Variants in ERP44 observed in about 807,000 individuals in gnomAD.
The protein encoded by ERP44 is endoplasmic reticulum protein 44, also known as endoplasmic reticulum resident protein 44.
In ERP44, 25 loss-of-function variants were observed where a neutral mutation model predicts 53.4. That is an observed-to-expected ratio of 0.47 (90% confidence interval 0.34 to 0.65). The LOEUF (loss-of-function observed/expected upper bound fraction) is 0.65. ERP44 is among the 30% of genes least tolerant of loss of function. ERP44 has a pLI of 0.01. For missense variants in ERP44, 338 were observed against 493.2 expected (o/e 0.69, Z 2.98); for synonymous variants, 145 against 161.2 (o/e 0.90, Z 0.76).
chr9:100,044,809 T>C (rs1321966061), intron 4 of ERP44, among the ~76,000 whole-genome samples: 1 of 152,182 alleles, frequency 6.6e-6, no homozygotes, highest in African/African-American at 2.4e-5. Flanking sequence ...TCTAAAAATT[T>C]GTAAAATTTC....
intron 10 of ERP44, among the ~76,000 whole-genome samples, chr9:99,992,336 T>C (rs1294137049): frequency 1.3e-5 from 2 of 152,106 alleles, no homozygotes; most frequent in Non-Finnish European, 2.9e-5. Context: ...GTGGGCTTCA[T>C]CCCTGGGATG....
chr9:100,062,153 C>G (rs1010966012), intron 1 of ERP44, among the ~76,000 whole-genome samples: 1 of 152,172 alleles, frequency 6.6e-6, no homozygotes, highest in African/African-American at 2.4e-5. Context: ...ATCATACCCC[C>G]TTTGTCCAGT....
Position 99,984,955 on chromosome 9 carries a change from C to T in ERP44, c.1119+12G>A, listed in dbSNP as rs1485426886. The stretch of plus-strand genomic sequence containing the variant: ...AAAAGAGTTCTCATTGAAAAATAAA[C>T]AGGAGTCCTACCTCTCCTGGGGCTG... On this transcript the variant is annotated intron_variant, in intron 11 of 11. Coordinates refer to ENST00000262455, the MANE Select transcript of ERP44 (RefSeq NM_015051.3). 1 of 1,541,408 alleles carries T rather than the reference C, an allele frequency of 6.5e-7. No individual in the cohort carries two copies. Among genetic ancestry groups the T allele is most frequent in the Non-Finnish European group, 8.9e-7 (1 of 1,118,496 alleles).
chr9:100,055,449 C>T (rs1185295807), intron 3 of ERP44, among the ~76,000 whole-genome samples: 2 of 152,128 alleles, frequency 1.3e-5, no homozygotes, highest in African/African-American at 2.4e-5. Context: ...CTCAGCTCAC[C>T]GCAACCTCCG....
intron 4 of ERP44, among the ~76,000 whole-genome samples, chr9:100,049,707 T>C (rs1826016287): frequency 6.6e-6 from 1 of 152,188 alleles, no homozygotes; most frequent in Admixed American, 6.5e-5. Context: ...AGTTTGGCAG[T>C]TTCTTAAAAA....
chr9:100,009,825 G>T (rs1171068653), intron 8 of ERP44, among the ~76,000 whole-genome samples: 1 of 152,018 alleles, frequency 6.6e-6, no homozygotes, highest in Non-Finnish European at 1.5e-5. Context: ...TCCTTCTCCT[G>T]TTTTCCCATT....
At chr9:100,035,092 T>G (rs1007144804) in intron 4 of ERP44, among the ~76,000 whole-genome samples, 2 of 152,178 alleles carry the variant, frequency 1.3e-5, no homozygotes, top group South Asian at 4.1e-4. Context: ...ATTAAAGACT[T>G]AAACATATGA....
intron 8 of ERP44, among the ~76,000 whole-genome samples, chr9:100,015,583 A>G (rs1234693228): frequency 6.6e-6 from 1 of 152,268 alleles, no homozygotes; most frequent in Non-Finnish European, 1.5e-5. Context: ...AAAAGACAAC[A>G]TTAACTGCTT....
At chr9:100,042,110 A>T (rs1169168833) in intron 4 of ERP44, among the ~76,000 whole-genome samples, 1 of 152,212 alleles carries the variant, frequency 6.6e-6, no homozygotes, top group Non-Finnish European at 1.5e-5. Context: ...CAATCAACAA[A>T]GTGAAAAGAC....
At chr9:100,016,492 A>G (rs1830527122) in intron 7 of ERP44, 54 bp from the exon 8 acceptor site, 2 of 1,512,656 alleles carry the variant, frequency 1.3e-6, no homozygotes, top group African/African-American at 2.9e-5. Flanking sequence ...GCAAAAGTAT[A>G]TTCTTATTTT....
rs375903014 is a variant in ERP44 at position 100,020,724 on chromosome 9, T to C, written c.479A>G (p.Lys160Arg). The C allele has an allele frequency of 8.4e-6, 13 of 1,554,196 alleles. No individual in the cohort carries two copies. The African/African-American group carries it at 1.4e-4, about 16-fold the overall frequency. ...LAEITTLDRS[K>R]RNIIGYFEQK... ...CTCAAAATATCCAATGATATTTCTT[T>C]TGCTGCGCTGTAAAATAAAGTATGC... is the stretch of plus-strand genomic sequence containing the variant. Residue 160 changes from lysine to arginine, a missense_variant, in exon 6 of 12, where the codon AAA becomes AGA. Lys to Arg is a conservative substitution (Grantham distance 26, BLOSUM62 2). This residue lies in a region of ERP44 where 224 missense variants were observed against 301.4 expected (regional missense o/e 0.74). Coordinates refer to ENST00000262455, the MANE Select transcript of ERP44 (RefSeq NM_015051.3).
chr9:99,992,588 T>G (rs1218634064), intron 10 of ERP44, among the ~76,000 whole-genome samples: 2 of 152,124 alleles, frequency 1.3e-5, no homozygotes, highest in East Asian at 3.8e-4. Flanking sequence ...CTGGAAGCAT[T>G]CCCTTTGAAA....
intron 4 of ERP44, among the ~76,000 whole-genome samples, chr9:100,024,951 A>G (rs1830637307): frequency 6.6e-6 from 1 of 152,218 alleles, no homozygotes; most frequent in Admixed American, 6.5e-5. Flanking sequence ...CACTAGAAGA[A>G]ACAGAAGATA....
rs1826700981 is a variant in ERP44, at chr9:100,098,826, G to C, written c.15C>G (p.Val5=). 6.2e-7 allele frequency: 1 copy of C among 1,613,662 alleles called. No individual in the cohort carries two copies. ...ATCTGAGGTCGGGTAAGGATAGGAAGACGGCAGGATGCATGGTAACGCTGG... is the reference window on the plus strand; with the variant it reads ...ATCTGAGGTCGGGTAAGGATAGGAACACGGCAGGATGCATGGTAACGCTGG... The part of the protein sequence containing the change: MHPA[V]FLSLPDLRCS... Residue 5 remains valine, a synonymous_variant, in exon 1 of 12, where the codon GTC becomes GTG. Transcript: ENST00000262455.
intron 4 of ERP44, among the ~76,000 whole-genome samples, chr9:100,024,380 A>T (rs958925757): frequency 3.3e-5 from 5 of 150,908 alleles, no homozygotes; most frequent in Non-Finnish European, 7.4e-5. Flanking sequence ...TACAGGTCAA[A>T]TATTTTGTGT....
At chr9:100,095,320 C>T (rs1168938102) in intron 1 of ERP44, among the ~76,000 whole-genome samples, 1 of 151,840 alleles carries the variant, frequency 6.6e-6, no homozygotes, top group African/African-American at 2.4e-5. Context: ...GTTTCCTAAA[C>T]AAATTATAAG....
chr9:100,002,269 C>CA (rs1830385789), intron 10 of ERP44, among the ~76,000 whole-genome samples: 1 of 152,092 alleles, frequency 6.6e-6, no homozygotes, highest in African/African-American at 2.4e-5. Flanking sequence ...TTTTATCCTT[C>CA]ATACCAAAGC....
intron 11 of ERP44, among the ~76,000 whole-genome samples, chr9:99,984,143 A>T (rs1412412488): frequency 6.6e-6 from 1 of 152,202 alleles, no homozygotes; most frequent in East Asian, 1.9e-4. Flanking sequence ...CTTGCCTCTG[A>T]ACCTAATCTC....
At chr9:100,083,304 T>C (rs182056772) in intron 1 of ERP44, among the ~76,000 whole-genome samples, 3 of 152,200 alleles carry the variant, frequency 2.0e-5, no homozygotes, top group African/African-American at 7.2e-5. Flanking sequence ...ATCAATACAA[T>C]GGAATTCTAT....
Sources: gnomAD v4.1 joint callset for allele counts (sites outside exome capture counted in the v4.1 genomes callset) on GRCh38, gnomAD v4.1.1 for gene constraint, gnomAD v4.1.1 regional missense constraint, MANE v1.5 for transcripts, NCBI Gene and HGNC (gene_info 2026-07-23, HGNC 2026-07-21) for gene names.